Variants in TENM4 observed in about 807,000 individuals in gnomAD.
The protein encoded by TENM4 is teneurin transmembrane protein 4, also known as teneurin-4.
TENM4 carries 82 observed loss-of-function variants against 243.3 expected under a neutral mutation model. The observed-to-expected ratio is 0.34, with a 90% CI of 0.28 to 0.40. The LOEUF (loss-of-function observed/expected upper bound fraction) is 0.40. Among genes scored for constraint, TENM4 ranks in the 10% least tolerant of loss-of-function variants. TENM4 has a pLI of 1.00. For synonymous variants in TENM4, 1,412 were observed against 1,456.3 expected (o/e 0.97, Z 0.69); for missense variants, 3,138 against 3,673.3 (o/e 0.85, Z 3.77).
At chr11:79,177,250 C>T (rs1314681810) in intron 3 of TENM4, among the ~76,000 whole-genome samples, 1 of 152,028 alleles carries the variant, frequency 6.6e-6, no homozygotes, top group Non-Finnish European at 1.5e-5. Flanking sequence ...AGGGTTGGAG[C>T]CCCCTTGGTT....
At chr11:78,696,204 G>C (rs573024895) in intron 28 of TENM4, among the ~76,000 whole-genome samples, 2 of 151,930 alleles carry the variant, frequency 1.3e-5, no homozygotes, top group Admixed American at 6.6e-5. Context: ...CCTTATAACC[G>C]TGGTTTTCAT....
At chr11:79,324,853 T>A (rs1007335349) in intron 1 of TENM4, among the ~76,000 whole-genome samples, 2 of 151,266 alleles carry the variant, frequency 1.3e-5, no homozygotes, top group African/African-American at 4.9e-5. Flanking sequence ...TAAAAGGGAG[T>A]TTCCAGAACC....
At chr11:78,993,698 C>T (rs1328697162) in intron 6 of TENM4, among the ~76,000 whole-genome samples, 1 of 152,144 alleles carries the variant, frequency 6.6e-6, no homozygotes, top group Non-Finnish European at 1.5e-5. Flanking sequence ...TTTTTCAATT[C>T]AAGAATTTCA....
intron 4 of TENM4, among the ~76,000 whole-genome samples, chr11:79,113,432 CAGAG>C (rs1022428849): frequency 3.3e-5 from 4 of 122,302 alleles, no homozygotes; most frequent in Non-Finnish European, 7.1e-5. Context: ...GTGTGTGTGA[CAGAG>C]AGAGAGAAAG....
At chr11:78,932,926 C>T (rs749399871) in intron 6 of TENM4, among the ~76,000 whole-genome samples, 5 of 152,164 alleles carry the variant, frequency 3.3e-5, no homozygotes, top group Non-Finnish European at 2.9e-5. Flanking sequence ...TAACAGGCCA[C>T]GGTCCGGTAC....
chr11:79,277,253 G>A (rs762767064), intron 2 of TENM4, among the ~76,000 whole-genome samples: 28 of 152,300 alleles, frequency 1.8e-4, no homozygotes, highest in Non-Finnish European at 3.4e-4. Context: ...TTGGGATGAG[G>A]ATGGGTGGTT....
intron 6 of TENM4, among the ~76,000 whole-genome samples, chr11:78,979,661 A>G (rs952100370): frequency 6.6e-6 from 1 of 152,218 alleles, no homozygotes; most frequent in African/African-American, 2.4e-5. Flanking sequence ...AGAGAAGAGC[A>G]CGATACAGCT....
At chr11:79,257,924 A>T (rs943435322) in intron 2 of TENM4, among the ~76,000 whole-genome samples, 8 of 152,222 alleles carry the variant, frequency 5.3e-5, no homozygotes, top group African/African-American at 1.9e-4. Flanking sequence ...GTGAGAATCC[A>T]CCAGCACCAT....
chr11:78,766,106 T>A (rs1487764441), intron 18 of TENM4, among the ~76,000 whole-genome samples: 1 of 152,204 alleles, frequency 6.6e-6, no homozygotes, highest in South Asian at 2.1e-4. Flanking sequence ...ATATCTGTAG[T>A]TGATAAACTA....
intron 3 of TENM4, among the ~76,000 whole-genome samples, chr11:79,157,460 G>C (rs1157810355): frequency 6.6e-6 from 1 of 152,030 alleles, no homozygotes. Flanking sequence ...AATGTGTGCC[G>C]AGTCCCTACA....
chr11:79,246,597 G>A (rs11822376), intron 2 of TENM4, among the ~76,000 whole-genome samples: 11,134 of 152,152 alleles, frequency 0.073, 787 homozygotes, highest in African/African-American at 0.18. Flanking sequence ...GGAACACACT[G>A]GAACTATCCA....
intron 3 of TENM4, among the ~76,000 whole-genome samples, chr11:79,164,891 C>T (rs1216949112): frequency 6.6e-6 from 1 of 151,400 alleles, no homozygotes; most frequent in Non-Finnish European, 1.5e-5. Flanking sequence ...CAAGTAAACT[C>T]TTTTTGTTCC....
chr11:79,300,969 C>T (rs1045928168), intron 1 of TENM4, among the ~76,000 whole-genome samples: 2 of 152,136 alleles, frequency 1.3e-5, no homozygotes, highest in Non-Finnish European at 2.9e-5. Flanking sequence ...GCCAATCAAT[C>T]ACCAAGTCCT....
At chr11:79,381,950 A>G (rs1858013227) in intron 1 of TENM4, among the ~76,000 whole-genome samples, 1 of 152,148 alleles carries the variant, frequency 6.6e-6, no homozygotes, top group Non-Finnish European at 1.5e-5. Context: ...AATTTCAATG[A>G]CAACAAGAGG....
intron 1 of TENM4, among the ~76,000 whole-genome samples, chr11:79,302,975 G>A (rs916666245): frequency 5.3e-5 from 8 of 152,136 alleles, no homozygotes; most frequent in Non-Finnish European, 1.2e-4. Context: ...ATATTTGCTG[G>A]GGCCTATTAT....
intron 6 of TENM4, among the ~76,000 whole-genome samples, chr11:79,003,076 C>T (rs956585013): frequency 1.6e-4 from 25 of 151,914 alleles, no homozygotes; most frequent in Non-Finnish European, 3.7e-4. Flanking sequence ...AGACCAGTTC[C>T]CCAAAATAAC....
intron 1 of TENM4, among the ~76,000 whole-genome samples, chr11:79,347,878 C>T (rs1327668967): frequency 6.9e-6 from 1 of 145,954 alleles, no homozygotes; most frequent in Non-Finnish European, 1.5e-5. Flanking sequence ...TTCCCGGGTT[C>T]ACGCCATTCT....
At chr11:79,206,605 C>A (rs187799058) in intron 3 of TENM4, among the ~76,000 whole-genome samples, 2 of 152,226 alleles carry the variant, frequency 1.3e-5, no homozygotes, top group Non-Finnish European at 2.9e-5. Context: ...GTAAATGAAT[C>A]CTGGGGGCTG....
At chr11:78,806,466 G>A (rs1857390593) in intron 14 of TENM4, among the ~76,000 whole-genome samples, 1 of 152,222 alleles carries the variant, frequency 6.6e-6, no homozygotes, top group South Asian at 2.1e-4. Context: ...GGTCAAAGTG[G>A]TCTCAGGAGA....
Sources: gnomAD v4.1 joint callset for allele counts (sites outside exome capture counted in the v4.1 genomes callset) on GRCh38, gnomAD v4.1.1 for gene constraint, MANE v1.5 for transcripts, NCBI Gene and HGNC (gene_info 2026-07-23, HGNC 2026-07-21) for gene names.